ZNF536: variants seen among roughly 807,000 people sequenced by gnomAD.
The protein encoded by ZNF536 is zinc finger protein 536.
A neutral mutation model predicts 84.5 loss-of-function variants in ZNF536; 13 were observed. That is an observed-to-expected ratio of 0.15 (90% CI 0.10 to 0.24). The LOEUF (loss-of-function observed/expected upper bound fraction) is 0.24, where lower values mean the gene tolerates loss of function less well. ZNF536 is among the 10% of genes least tolerant of loss of function. The pLI is 1.00. For missense variants in ZNF536, 1,536 were observed against 1,747.5 expected, an observed-to-expected ratio of 0.88 and a Z score of 2.16; for synonymous variants, 811 against 742.5, an observed-to-expected ratio of 1.09 and a Z score of -1.50.
chr19:30,570,800 G>C (rs1203392771), intron 1 of ZNF536, among the ~76,000 whole-genome samples: 1 of 152,108 alleles, frequency 6.6e-6, no homozygotes, highest in Non-Finnish European at 1.5e-5. Context: ...AAAAAACATG[G>C]AGTCTCTAAT....
intron 1 of ZNF536, among the ~76,000 whole-genome samples, chr19:30,610,251 C>A (rs1016795474): frequency 6.6e-6 from 1 of 152,182 alleles, no homozygotes; most frequent in African/African-American, 2.4e-5. Flanking sequence ...AAAACATGGA[C>A]CTAAATGATA....
chr19:30,701,319 A>G (rs2051952440), intron 1 of ZNF536, among the ~76,000 whole-genome samples: 1 of 151,628 alleles, frequency 6.6e-6, no homozygotes. Flanking sequence ...ACACAGACAC[A>G]CACAAACACA....
rs2045645784 is a variant in ZNF536, at chr19:30,548,553, G to A, written c.2934G>A (p.Leu978=). The A allele has an allele frequency of 2.5e-6, 4 of 1,614,132 alleles. No individual in the cohort carries two copies. In the South Asian group the frequency reaches 3.3e-5, roughly 13 times the overall value. Residue 978 remains leucine, a synonymous_variant, in exon 4 of 5, where the codon TTG becomes TTA. Transcript: ENST00000355537. ...SEKSQYEPLD[L]SVRPDAASLP... Reference sequence around the variant, plus strand: ...AATCTCAGTATGAACCCCTGGACTTGTCTGTGCGGCCAGATGCCGCCTCCC... The same window carrying A: ...AATCTCAGTATGAACCCCTGGACTTATCTGTGCGGCCAGATGCCGCCTCCC...
chr19:30,469,275 G>T (rs180984817), intron 2 of ZNF536, among the ~76,000 whole-genome samples: 2 of 152,260 alleles, frequency 1.3e-5, no homozygotes, highest in East Asian at 3.9e-4. Context: ...TTAGCCGGGC[G>T]TGGTGGTGGG....
intron 1 of ZNF536, among the ~76,000 whole-genome samples, chr19:30,627,910 G>C (rs771712936): frequency 2.0e-5 from 3 of 152,162 alleles, no homozygotes; most frequent in Non-Finnish European, 2.9e-5. Context: ...ATGACCCACG[G>C]CCTCCCAGGG....
At chr19:30,618,880 G>A (rs1379979742) in intron 1 of ZNF536, among the ~76,000 whole-genome samples, 1 of 151,830 alleles carries the variant, frequency 6.6e-6, no homozygotes, top group African/African-American at 2.4e-5. Flanking sequence ...CTTTATTTGA[G>A]GATAGTTTTC....
rs535556257 is a variant in ZNF536, at chr19:30,327,892, G to A, written c.-119-24476G>A. ...ATGATGACTTTTAAGGTTGGAGAAC[G>A]GGGTTATATTACCCAGTCAGTAGAA... On this transcript the variant is annotated intron_variant, in intron 2 of 5. Coordinates refer to the ZNF536 transcript ENST00000585628. 8.5e-5 allele frequency among the ~76,000 whole-genome samples: 13 copies of A among 152,300 alleles called. No homozygotes were observed. The East Asian group carries it at 2.3e-3, about 27-fold the overall frequency.
chr19:30,466,584 A>AAGAAAGAG (rs1555775076), intron 2 of ZNF536, among the ~76,000 whole-genome samples: 7 of 144,460 alleles, frequency 4.8e-5, no homozygotes, highest in South Asian at 2.3e-4. Flanking sequence ...GAAAGAAAGA[A>AAGAAAGAG]AGAGAGAGAG....
At chr19:30,301,699 A>G (rs1034021945) in intron 2 of ZNF536, among the ~76,000 whole-genome samples, 7 of 152,196 alleles carry the variant, frequency 4.6e-5, no homozygotes, top group Admixed American at 1.3e-4. Flanking sequence ...GAGGTAGAGA[A>G]ATATGTGAGC....
At chr19:30,633,515 A>G (rs1188131634) in intron 1 of ZNF536, among the ~76,000 whole-genome samples, 2 of 152,166 alleles carry the variant, frequency 1.3e-5, no homozygotes, top group African/African-American at 4.8e-5. Context: ...CAAAAATTCA[A>G]ATGTGTTCCT....
intron 3 of ZNF536, among the ~76,000 whole-genome samples, chr19:30,542,991 T>C (rs1379774917): frequency 2.0e-5 from 3 of 152,180 alleles, no homozygotes; most frequent in African/African-American, 7.2e-5. Context: ...TTTAAATTTT[T>C]TGTAGAAACG....
intron 1 of ZNF536, among the ~76,000 whole-genome samples, chr19:30,593,317 T>A (rs1411628656): frequency 6.6e-6 from 1 of 152,160 alleles, no homozygotes; most frequent in Non-Finnish European, 1.5e-5. Flanking sequence ...AGGAACCTCA[T>A]GAGGCTGACT....
chr19:30,234,960 G>A (rs1453384128), intron 1 of ZNF536, among the ~76,000 whole-genome samples: 1 of 152,148 alleles, frequency 6.6e-6, no homozygotes, highest in Non-Finnish European at 1.5e-5. Context: ...GTACCAGATC[G>A]TAGGACCCTC....
At chr19:30,654,842 C>A (rs910596565) in intron 1 of ZNF536, among the ~76,000 whole-genome samples, 14 of 151,918 alleles carry the variant, frequency 9.2e-5, no homozygotes, top group African/African-American at 3.1e-4. Flanking sequence ...CCCCACACAC[C>A]CCCCCATGCT....
chr19:30,570,583 G>A (rs1253823467), intron 1 of ZNF536, among the ~76,000 whole-genome samples: 2 of 152,026 alleles, frequency 1.3e-5, no homozygotes, highest in Non-Finnish European at 2.9e-5. Flanking sequence ...CAGAACAAAG[G>A]ACTTGTTGCT....
chr19:30,382,561 G>A (rs2049063291), intron 1 of ZNF536, among the ~76,000 whole-genome samples: 1 of 127,428 alleles, frequency 7.8e-6, no homozygotes, highest in Admixed American at 8.3e-5. Context: ...ATGGGATGTG[G>A]GCAGGGAATT....
At chr19:30,525,846 G>C (rs2044551196) in intron 2 of ZNF536, among the ~76,000 whole-genome samples, 2 of 152,190 alleles carry the variant, frequency 1.3e-5, no homozygotes, top group Non-Finnish European at 2.9e-5. Context: ...GGTGAGGGTT[G>C]GAGTGCAGGT....
intron 1 of ZNF536, among the ~76,000 whole-genome samples, chr19:30,432,044 CAGAGAG>C (rs1207389657): frequency 6.6e-6 from 1 of 150,456 alleles, no homozygotes; most frequent in Non-Finnish European, 1.5e-5. Context: ...CAGGCACGCA[CAGAGAG>C]AGAGAGTCAG....
intron 1 of ZNF536, among the ~76,000 whole-genome samples, chr19:30,599,606 G>A (rs1184828354): frequency 6.6e-6 from 1 of 151,748 alleles, no homozygotes; most frequent in East Asian, 1.9e-4. Flanking sequence ...CCTTGAAATG[G>A]GCTGACCCAG....
Sources: gnomAD v4.1 joint callset for allele counts (sites outside exome capture counted in the v4.1 genomes callset) on GRCh38, gnomAD v4.1.1 for gene constraint, MANE v1.5 for transcripts, NCBI Gene and HGNC (gene_info 2026-07-23, HGNC 2026-07-21) for gene names.